CATSPER3: variants seen among roughly 807,000 people sequenced by gnomAD.
The protein encoded by CATSPER3 is cation channel sperm associated 3, also known as cation channel sperm-associated protein 3.
CATSPER3 carries 23 observed loss-of-function variants against 36.6 expected under a neutral mutation model. That is an observed-to-expected ratio of 0.63 (90% confidence interval 0.45 to 0.89). The LOEUF is 0.89. CATSPER3 is among the 40% of genes least tolerant of loss of function. CATSPER3 has a pLI of 0.00. For missense variants in CATSPER3, 474 were observed against 503.9 expected (o/e 0.94, Z 0.57); for synonymous variants, 172 against 184.1 (o/e 0.93, Z 0.53).
At chr5:134,984,582 C>T (rs773943764) in intron 2 of CATSPER3, among the ~76,000 whole-genome samples, 7 of 152,122 alleles carry the variant, frequency 4.6e-5, no homozygotes, top group Non-Finnish European at 1.0e-4. Flanking sequence ...CCACCTTACC[C>T]CAGCCAGAAT....
At chr5:134,990,701 A>G (rs1435642240) in intron 2 of CATSPER3, among the ~76,000 whole-genome samples, 5 of 152,264 alleles carry the variant, frequency 3.3e-5, no homozygotes, top group Admixed American at 3.3e-4. Flanking sequence ...AAATGACACC[A>G]ATAGACTTGC....
chr5:135,002,580 C>T (rs1248064580), intron 3 of CATSPER3, among the ~76,000 whole-genome samples: 2 of 152,206 alleles, frequency 1.3e-5, no homozygotes, highest in Non-Finnish European at 2.9e-5. Flanking sequence ...TTCCATTCTC[C>T]CTGTCACTTT....
chr5:135,004,315 G>C (rs1041458538), intron 3 of CATSPER3, among the ~76,000 whole-genome samples: 1 of 152,206 alleles, frequency 6.6e-6, no homozygotes, highest in African/African-American at 2.4e-5. Context: ...AGAAATGCCC[G>C]TGTGGGGTGG....
At chr5:135,009,666 G>A (rs888926338) in intron 6 of CATSPER3, among the ~76,000 whole-genome samples, 176 bp downstream of exon 6, 4 of 7,748 alleles carry the variant, frequency 5.2e-4, no homozygotes, top group East Asian at 0.014. Context: ...CTTTATTCTC[G>A]GCATTTTTGT....
At chr5:134,998,523 T>C (rs1273834798) in intron 3 of CATSPER3, among the ~76,000 whole-genome samples, 1 of 152,254 alleles carries the variant, frequency 6.6e-6, no homozygotes, top group East Asian at 1.9e-4. Flanking sequence ...TGAACTAGTT[T>C]ACAGTCCCAC....
chr5:135,003,748 T>TA lies in CATSPER3; in HGVS notation c.493-4208dup, dbSNP rs559644436. On this transcript the variant is annotated intron_variant, in intron 3 of 7. Coordinates refer to ENST00000282611, the MANE Select transcript of CATSPER3 (RefSeq NM_178019.3). ...AGTCTCCGTGAGCATGGGACCCTCT[T>TA]AGCCAGGTGCGGGATATTAATCTCC... 5.3e-5 allele frequency among the ~76,000 whole-genome samples: 8 copies of TA among 152,364 alleles called. No homozygotes were observed. In the East Asian group the frequency reaches 1.5e-3, roughly 29 times the overall value.
chr5:134,998,191 T>C (rs1751975836), intron 3 of CATSPER3, among the ~76,000 whole-genome samples: 2 of 152,246 alleles, frequency 1.3e-5, no homozygotes, highest in Admixed American at 1.3e-4. Context: ...GTCCTTGTGA[T>C]AGTTTGCTGA....
chr5:134,994,170 G>A (rs1751916409), intron 2 of CATSPER3, among the ~76,000 whole-genome samples: 1 of 152,186 alleles, frequency 6.6e-6, no homozygotes, highest in Non-Finnish European at 1.5e-5. Flanking sequence ...ATAAGTCGGT[G>A]TGGGAGAAGA....
chr5:134,969,235 T>G (rs1751571612), intron 1 of CATSPER3: 1 of 152,348 alleles, frequency 6.6e-6, no homozygotes, highest in African/African-American at 2.4e-5. Flanking sequence ...GGTCAGAGAA[T>G]GAATGGTTCT....
In CATSPER3 at chr5:135,011,548, G is replaced by GC; in HGVS notation, c.1123dup (p.His375ProfsTer23). ...TTCAAGAGCTGTACTATGAGATCGT[G>GC]CATGTGCTGAGCCTAATGCTGGAAG... On this transcript the variant is annotated frameshift_variant, in exon 8 of 8. Coordinates refer to ENST00000282611, the MANE Select transcript of CATSPER3 (RefSeq NM_178019.3). LOFTEE classifies it low-confidence loss of function (END_TRUNC). 6.2e-7 allele frequency: 1 copy of GC among 1,613,956 alleles called. No individual in the cohort carries two copies. The highest frequency in any genetic ancestry group is 8.5e-7 in the Non-Finnish European group (1 of 1,179,852).
At chr5:134,994,621 A>G (rs1184523699) in intron 2 of CATSPER3, among the ~76,000 whole-genome samples, 1 of 152,244 alleles carries the variant, frequency 6.6e-6, no homozygotes. Flanking sequence ...GATATCTTAA[A>G]AATGTAAATT....
chr5:134,992,388 G>C (rs1400749591), intron 2 of CATSPER3, among the ~76,000 whole-genome samples: 4 of 151,992 alleles, frequency 2.6e-5, no homozygotes, highest in Non-Finnish European at 4.4e-5. Flanking sequence ...AAACCACAAT[G>C]AGATACAATT....
chr5:135,005,083 T>C (rs1752068464), intron 3 of CATSPER3, among the ~76,000 whole-genome samples: 1 of 152,188 alleles, frequency 6.6e-6, no homozygotes, highest in African/African-American at 2.4e-5. Context: ...CAAAAAGGAC[T>C]GGTGGCAGGG....
Position 135,009,377 on chromosome 5 carries a change from A to G in CATSPER3, c.823A>G (p.Ile275Val), listed in dbSNP as rs146238260. The G allele has an allele frequency of 1.2e-6, 2 of 1,613,482 alleles. No homozygotes were observed. Among genetic ancestry groups the G allele is most frequent in the Non-Finnish European group, 1.7e-6 (2 of 1,179,712 alleles). ...GVMIMHTEDS[I>V]RKFERELMLE... is the part of the protein sequence containing the mutation. ...CCATCGTCTGACTCTCTAGGACTCC[A>G]TCAGAAAGTTTGAGCGAGAGCTGAT... The change falls in exon 6 of 8, where the codon ATC becomes GTC. Residue 275 changes from isoleucine to valine, a missense_variant. By Grantham distance (29) the Ile-to-Val change is conservative. Transcript: ENST00000282611.
rs1042141374 is a variant in CATSPER3 at position 134,970,981 on chromosome 5, G to A, written c.252+889G>A. On this transcript the variant is annotated intron_variant, in intron 2 of 7. Transcript: ENST00000282611. ...TTTTTTTGTTTTGAGACGAAGTCTC[G>A]CTCTGTCACCCAGGCTGGAGTGCAG... 4.0e-5 allele frequency among the ~76,000 whole-genome samples: 6 copies of A among 151,820 alleles called. No individual in the cohort carries two copies. The East Asian group carries it at 9.8e-4, about 25-fold the overall frequency.
intron 3 of CATSPER3, among the ~76,000 whole-genome samples, chr5:135,005,895 G>A (rs1752079932): frequency 6.6e-6 from 1 of 152,208 alleles, no homozygotes; most frequent in South Asian, 2.1e-4. Flanking sequence ...GGCTGTGTAG[G>A]AGGGGTCCCT....
chr5:134,977,715 A>G (rs1580903503), intron 2 of CATSPER3, among the ~76,000 whole-genome samples: 1 of 152,058 alleles, frequency 6.6e-6, no homozygotes, highest in East Asian at 1.9e-4. Flanking sequence ...ATTTTCCCAT[A>G]TTAGTTTTTG....
At chr5:134,977,897 T>TGA (rs1204319007) in intron 2 of CATSPER3, among the ~76,000 whole-genome samples, 4 of 151,898 alleles carry the variant, frequency 2.6e-5, no homozygotes, top group Admixed American at 6.6e-5. Context: ...TGTCACATGG[T>TGA]GAGAGAGAGA....
Position 135,011,683 on chromosome 5 carries a change from C to A in CATSPER3, c.*60C>A. The A allele has an allele frequency of 8.7e-7, 1 of 1,153,838 alleles. No homozygotes were observed. The highest frequency in any genetic ancestry group is 1.3e-6 in the Non-Finnish European group (1 of 773,260). 71.5% of individuals were successfully genotyped at this position (1,153,838 alleles called of 1,614,324 possible). On this transcript the variant is annotated 3_prime_UTR_variant, in exon 8 of 8. Transcript: ENST00000282611. Reference sequence around the variant, plus strand: ...CAGACCATGACAGGTCCCTATTAAACACAGGCTTTCTGAGTTGTCCTCTCC... The same window carrying A: ...CAGACCATGACAGGTCCCTATTAAAAACAGGCTTTCTGAGTTGTCCTCTCC...
Sources: allele counts gnomAD v4.1 joint callset (sites outside exome capture counted in the v4.1 genomes callset), GRCh38; gene constraint gnomAD v4.1.1; transcripts MANE v1.5; gene names NCBI Gene and HGNC (gene_info 2026-07-23, HGNC 2026-07-21).